BAIAP2: variants seen among roughly 807,000 people sequenced by gnomAD.
The protein encoded by BAIAP2 is BAR/IMD domain containing adaptor protein 2, also known as BAR/IMD domain-containing adapter protein 2.
BAIAP2 carries 18 observed loss-of-function variants against 63.0 expected under a neutral mutation model. That is an observed-to-expected ratio of 0.29 (90% CI 0.20 to 0.42). BAIAP2 has a LOEUF of 0.42. Among genes scored for constraint, BAIAP2 ranks in the 10% least tolerant of loss-of-function variants. The probability of loss-of-function intolerance (pLI) is 1.00; values close to 1 mark genes in which losing one functional copy is unlikely to be tolerated. For missense variants in BAIAP2, 610 were observed against 734.3 expected (o/e 0.83, Z 1.96); for synonymous variants, 386 against 307.6 (o/e 1.25, Z -2.67).
chr17:81,108,441 ACCCGG>A (rs2059431688), intron 12 of BAIAP2, 29 bp from the exon 13 acceptor site: 2 of 1,613,146 alleles, frequency 1.2e-6, no homozygotes, highest in Non-Finnish European at 1.7e-6. Context: ...AGGCCCCGTC[ACCCGG>A]CCTGACATGT....
rs373182366 is a variant in BAIAP2 at position 81,106,927 on chromosome 17, G to A, written c.1500+20G>A. 2 of 1,486,826 alleles carry A rather than the reference G, an allele frequency of 1.3e-6. No individual in the cohort carries two copies. Among genetic ancestry groups the A allele is most frequent in the Admixed American group, 2.3e-5 (1 of 42,648 alleles). 92.1% of individuals were successfully genotyped at this position (1,486,826 alleles called of 1,614,324 possible). A position where few individuals can be genotyped will look rare whatever the true frequency, so the allele number is the denominator to read the frequency against. On this transcript the variant is annotated intron_variant, in intron 12 of 13. Coordinates refer to ENST00000428708, the MANE Select transcript of BAIAP2 (RefSeq NM_001144888.2). ...TCCCAGGTCAGTGGGCGGGGCCGGG[G>A]CTGGGAGGGGCCCGCAGGTGGAACA...
At position 81,046,564 on chromosome 17, in the gene BAIAP2, C is replaced by A. The variant is rs904492699; in HGVS notation, c.55-7104C>A. 1.3e-5 allele frequency among the ~76,000 whole-genome samples: 2 copies of A among 151,870 alleles called. No homozygotes were observed. The highest frequency in any genetic ancestry group is 4.8e-5 in the African/African-American group (2 of 41,318). On this transcript the variant is annotated intron_variant, in intron 1 of 13. Transcript: ENST00000428708. This position sits in a 1 kb window ranked among gnomAD's most constrained non-coding sequence, Gnocchi z 4.5. ...CTCCTGTGTGTGGGGTCAGCAGTGGCCCGCCCTGGAGGACGCTGCCACCTT... is the reference window on the plus strand; with the variant it reads ...CTCCTGTGTGTGGGGTCAGCAGTGGACCGCCCTGGAGGACGCTGCCACCTT...
chr17:81,057,971 A>AGGGGGGGGGGGGGGGGGGGGGGGG lies in BAIAP2; in HGVS notation c.217+5_217+6insGGGGGGGGGGGGGGGGGGGGGGGG. ...AGCCAGGGCTCCAAAGAACTCGGTG[A>AGGGGGGGGGGGGGGGGGGGGGGGG]GACCCCCCCCCCCCCCCCGCCTGGT... On this transcript the variant is annotated splice_donor_region_variant and intron_variant, in intron 3 of 13. Transcript: ENST00000428708. 3.0e-6 allele frequency: 2 copies of AGGGGGGGGGGGGGGGGGGGGGGGG among 664,790 alleles called. No homozygotes were observed. The highest frequency in any genetic ancestry group is 4.1e-5 in the East Asian group (1 of 24,106). The allele number at this position is 664,790 out of a possible 1,614,324, so 41.2% of individuals were successfully genotyped here. A position where few individuals can be genotyped will look rare whatever the true frequency, so the allele number is the denominator to read the frequency against.
chr17:81,067,785 G>A (rs556217353), intron 3 of BAIAP2, among the ~76,000 whole-genome samples: 35 of 152,344 alleles, frequency 2.3e-4, no homozygotes, highest in African/African-American at 8.2e-4. Flanking sequence ...GGCCTCAGCC[G>A]GCCAGAGCAG....
intron 1 of BAIAP2, among the ~76,000 whole-genome samples, chr17:81,047,482 A>AGC (rs1464218535): frequency 6.6e-6 from 1 of 152,270 alleles, no homozygotes; most frequent in East Asian, 1.9e-4. Context: ...AGACACATGT[A>AGC]GCACACACAC....
chr17:81,096,251 C>G (rs918570949), intron 6 of BAIAP2, among the ~76,000 whole-genome samples: 1 of 152,232 alleles, frequency 6.6e-6, no homozygotes, highest in Non-Finnish European at 1.5e-5. Flanking sequence ...CTCTCTGGCC[C>G]TGAGCTCTCT....
At position 81,084,823 on chromosome 17, in the gene BAIAP2, G is replaced by C; in HGVS notation, c.218-9G>C. 1.9e-6 allele frequency: 3 copies of C among 1,613,410 alleles called. No individual in the cohort carries two copies. In the South Asian group the frequency reaches 3.3e-5, roughly 18 times the overall value. ...TCCCTCCCCTTCCTTCTGCTGTTCT[G>C]CTTCCCAGGAGACGTTCTCTTCCAG... On this transcript the variant is annotated splice_polypyrimidine_tract_variant and intron_variant, in intron 3 of 13. Transcript: ENST00000428708.
intron 2 of BAIAP2, among the ~76,000 whole-genome samples, chr17:81,056,911 G>A (rs1568087297): frequency 1.3e-5 from 2 of 150,688 alleles, no homozygotes; most frequent in South Asian, 4.1e-4. Flanking sequence ...GCGTTTTTCT[G>A]CTGTTGCGTT....
chr17:81,074,444 A>G (rs968489326), intron 3 of BAIAP2, among the ~76,000 whole-genome samples: 3 of 146,508 alleles, frequency 2.0e-5, no homozygotes, highest in Admixed American at 2.0e-4. Context: ...ATGCACAAAT[A>G]CATGTGAGTG....
chr17:81,049,376 C>T (rs1038623285), intron 1 of BAIAP2, among the ~76,000 whole-genome samples: 8 of 152,232 alleles, frequency 5.3e-5, no homozygotes, highest in Non-Finnish European at 2.9e-5. Flanking sequence ...TTCAAACTCA[C>T]TTCAGAGCCG....
At chr17:81,070,129 C>A (rs1190774281) in intron 3 of BAIAP2, among the ~76,000 whole-genome samples, 1 of 152,154 alleles carries the variant, frequency 6.6e-6, no homozygotes, top group East Asian at 1.9e-4. Context: ...TGTATACTTT[C>A]TAAACTTTTT....
chr17:81,048,266 C>A (rs567723686), intron 1 of BAIAP2, among the ~76,000 whole-genome samples: 7 of 149,244 alleles, frequency 4.7e-5, no homozygotes, highest in Non-Finnish European at 3.0e-5. Flanking sequence ...CACCTGTAAT[C>A]CCAGCTGCTC....
intron 2 of BAIAP2, among the ~76,000 whole-genome samples, chr17:81,055,856 G>A (rs376490346): frequency 1.7e-4 from 26 of 152,076 alleles, no homozygotes; most frequent in East Asian, 1.4e-3. Context: ...GTGAGCCACC[G>A]CGCCCGGCCG....
At chr17:81,064,733 C>A (rs1428413461) in intron 3 of BAIAP2, among the ~76,000 whole-genome samples, 1 of 152,246 alleles carries the variant, frequency 6.6e-6, no homozygotes, top group African/African-American at 2.4e-5. Context: ...GTCTGGCACA[C>A]AGCTGGGGAG....
At chr17:81,048,239 C>T (rs906365859) in intron 1 of BAIAP2, among the ~76,000 whole-genome samples, 4 of 151,408 alleles carry the variant, frequency 2.6e-5, no homozygotes, top group African/African-American at 9.7e-5. Flanking sequence ...CAAAAATTAG[C>T]TGGGTGTGGT....
At chr17:81,099,231 C>T (rs2058155299) in intron 6 of BAIAP2, among the ~76,000 whole-genome samples, 1 of 151,690 alleles carries the variant, frequency 6.6e-6, no homozygotes, top group Non-Finnish European at 1.5e-5. Context: ...CACGAACTTC[C>T]TTCTCACGTT....
intron 3 of BAIAP2, among the ~76,000 whole-genome samples, chr17:81,059,602 G>A (rs1205031428): frequency 2.0e-5 from 3 of 152,088 alleles, no homozygotes; most frequent in African/African-American, 7.2e-5. Flanking sequence ...GCGCCACCAC[G>A]CCCAGCTGAT....
chr17:81,054,213 C>T (rs1458015506), intron 2 of BAIAP2, among the ~76,000 whole-genome samples: 2 of 40,726 alleles, frequency 4.9e-5, no homozygotes, highest in Non-Finnish European at 1.1e-4. Flanking sequence ...GGAGCTGCCT[C>T]CTGAGCTGGT....
chr17:81,077,436 C>T lies in BAIAP2; in HGVS notation c.218-7396C>T, dbSNP rs566920881. 8.5e-4 allele frequency among the ~76,000 whole-genome samples: 129 copies of T among 152,108 alleles called. 1 individual carries two copies. Among genetic ancestry groups the T allele is most frequent in the African/African-American group, 2.9e-3 (119 of 41,494 alleles). On this transcript the variant is annotated intron_variant, in intron 3 of 13. Coordinates refer to ENST00000428708, the MANE Select transcript of BAIAP2 (RefSeq NM_001144888.2). ...TACAAAAATTAGCTGGGCGTGGTGG[C>T]GCACATCTGCAGTCCCAGCTACTCG...
Sources: allele counts gnomAD v4.1 joint callset (sites outside exome capture counted in the v4.1 genomes callset), GRCh38; gene constraint gnomAD v4.1.1; non-coding constraint Gnocchi (gnomAD v3.1); transcripts MANE v1.5; gene names NCBI Gene and HGNC (gene_info 2026-07-23, HGNC 2026-07-21).